The following ESF1 variants were observed in gnomAD, a reference collection of about 807,000 sequenced individuals.
ESF1 encodes the protein ESF1 homolog.
ESF1 carries 58 observed loss-of-function variants against 92.0 expected under a neutral mutation model. The ratio of observed to expected loss-of-function variants is 0.63; its 90% confidence interval spans 0.51 to 0.78. ESF1 has a LOEUF of 0.78. Ranked by LOEUF, ESF1 falls within the 30% of genes least tolerant of loss-of-function variation. The pLI is 0.00. For missense variants in ESF1, 922 were observed against 989.1 expected, an observed-to-expected ratio of 0.93 and a Z score of 0.91; for synonymous variants, 321 against 313.7, an observed-to-expected ratio of 1.02 and a Z score of -0.24.
At chr20:13,731,180 C>T (rs948877598) in intron 10 of ESF1, among the ~76,000 whole-genome samples, 1 of 152,152 alleles carries the variant, frequency 6.6e-6, no homozygotes, top group Non-Finnish European at 1.5e-5. Context: ...CTACAATTCT[C>T]AGAATGACTA....
intron 1 of ESF1, among the ~76,000 whole-genome samples, chr20:13,784,591 C>G (rs1980557725): frequency 6.6e-6 from 1 of 150,780 alleles, no homozygotes; most frequent in African/African-American, 2.4e-5. Flanking sequence ...CCCTCCCCTT[C>G]TGCCCGCTCT....
chr20:13,717,541 T>C, intron 12 of ESF1, 27 bp from the exon 13 acceptor site: 2 of 1,609,490 alleles, frequency 1.2e-6, no homozygotes, highest in Non-Finnish European at 1.7e-6. Flanking sequence ...AAAGTTCAAA[T>C]GTACAACAGT....
In ESF1 at chr20:13,733,782, G is replaced by T. The variant is rs2049959174; in HGVS notation, c.1889C>A (p.Thr630Asn). The stretch of plus-strand genomic sequence containing the variant: ...CTTCTCTAAAAATTGTTCCCAAGGG[G>T]TCAGTTTATCCTTTCCTTCCAATTT... ...KNKLEGKDKLTPWEQFLEKKK... is the reference protein window; with the variant it reads ...KNKLEGKDKLNPWEQFLEKKK... The change falls in exon 10 of 14, where the codon ACC (threonine) becomes AAC (asparagine). Residue 630 changes from threonine to asparagine, a missense_variant. Physicochemically the swap from Thr to Asn is moderately conservative, Grantham distance 65. Transcript: ENST00000617257. 6.2e-7 allele frequency: 1 copy of T among 1,612,748 alleles called. No homozygotes were observed. Among genetic ancestry groups the T allele is most frequent in the Non-Finnish European group, 8.5e-7 (1 of 1,179,650 alleles).
At chr20:13,724,393 C>A (rs2049887658) in intron 11 of ESF1, among the ~76,000 whole-genome samples, 1 of 152,196 alleles carries the variant, frequency 6.6e-6, no homozygotes, top group African/African-American at 2.4e-5. Context: ...ACTACAGATC[C>A]TTATATCTGG....
At chr20:13,727,286 T>C (rs1033911275) in intron 11 of ESF1, among the ~76,000 whole-genome samples, 8 of 152,220 alleles carry the variant, frequency 5.3e-5, no homozygotes, top group Non-Finnish European at 8.8e-5. Context: ...CAGAATATGC[T>C]AAGTTTCCAC....
chr20:13,749,731 A>G (rs1978539237), intron 9 of ESF1, among the ~76,000 whole-genome samples: 1 of 151,424 alleles, frequency 6.6e-6, no homozygotes, highest in Non-Finnish European at 1.5e-5. Flanking sequence ...ATGCCTGGCT[A>G]ATTTTTTGTA....
At position 13,726,248 on chromosome 20, in the gene ESF1, C is replaced by T. The variant is rs191153234; in HGVS notation, c.2038+2130G>A. Among the ~76,000 whole-genome samples, 6 of 152,306 alleles carry T rather than the reference C, an allele frequency of 3.9e-5. No individual in the cohort carries two copies. The East Asian group carries it at 9.6e-4, about 24-fold the overall frequency. On this transcript the variant is annotated intron_variant, in intron 11 of 13. Transcript: ENST00000617257. ...AAAGACTGTTTGGGCTTTCCACTAT[C>T]AGTAAAGTAAAATCTAAATTTGTTG... is the stretch of plus-strand genomic sequence containing the variant.
intron 9 of ESF1, among the ~76,000 whole-genome samples, chr20:13,758,863 G>C (rs1979023173): frequency 1.3e-5 from 2 of 152,246 alleles, no homozygotes; most frequent in South Asian, 4.1e-4. Context: ...ATTATCTGAG[G>C]AGGATACATT....
At chr20:13,763,643 A>G (rs1010640704) in intron 8 of ESF1, among the ~76,000 whole-genome samples, 1 of 152,246 alleles carries the variant, frequency 6.6e-6, no homozygotes, top group Admixed American at 6.5e-5. Context: ...GTGTGAGGGG[A>G]AAAGACACAG....
intron 2 of ESF1, among the ~76,000 whole-genome samples, chr20:13,778,746 T>G (rs17191186): frequency 0.016 from 2,421 of 152,290 alleles, 99 homozygotes; most frequent in East Asian, 0.11. Flanking sequence ...GAGTATTTAT[T>G]CATTCAATAA....
intron 1 of ESF1, 98 bp from the exon 2 acceptor site, chr20:13,783,281 T>C (rs957790879): frequency 2.2e-6 from 2 of 928,690 alleles, no homozygotes; most frequent in Non-Finnish European, 1.6e-6. Flanking sequence ...TAATATATTC[T>C]AAGTTAAGTG....
chr20:13,782,818 T>C lies in ESF1; in HGVS notation c.323A>G (p.Lys108Arg), dbSNP rs1485064085. 1.2e-6 allele frequency: 2 copies of C among 1,603,994 alleles called. No homozygotes were observed. The highest frequency in any genetic ancestry group is 2.7e-5 in the African/African-American group (2 of 74,016). Reference protein sequence around the residue: ...KTQTKKEIDSKNLVEKKKETK... With the variant: ...KTQTKKEIDSRNLVEKKKETK... Reference sequence around the variant, plus strand: ...TTCTTTCTTTTTCTCAACTAGATTTTTTGAATCGATTTCTTTTTTAGTCTG... The same window carrying C: ...TTCTTTCTTTTTCTCAACTAGATTTCTTGAATCGATTTCTTTTTTAGTCTG... Residue 108 changes from lysine to arginine, a missense_variant, in exon 2 of 14, where the codon AAA becomes AGA. By Grantham distance (26) the Lys-to-Arg change is conservative. Coordinates refer to ENST00000617257, the MANE Select transcript of ESF1 (RefSeq NM_001276380.2).
chr20:13,782,964 G>A lies in ESF1; in HGVS notation c.177C>T (p.Pro59=), dbSNP rs1467935843. 3.7e-6 allele frequency: 6 copies of A among 1,614,096 alleles called. No homozygotes were observed. Among genetic ancestry groups the A allele is most frequent in the Non-Finnish European group, 5.1e-6 (6 of 1,180,010 alleles). Residue 59 remains proline (P), a synonymous_variant, in exon 2 of 14, where the codon CCC becomes CCT. Transcript: ENST00000617257. The part of the protein sequence containing the change: ...LNYAVDKRGR[P]ISHSTTEDLK... ...AATCCTCTGTAGTGCTATGGCTAATGGGGCGCCCTCTTTTATCCACGGCAT... is the reference window on the plus strand; with the variant it reads ...AATCCTCTGTAGTGCTATGGCTAATAGGGCGCCCTCTTTTATCCACGGCAT...
At chr20:13,719,099 G>C (rs2147716516) in intron 11 of ESF1, 115 bp from the exon 12 acceptor site, 1 of 644,666 alleles carries the variant, frequency 1.6e-6, no homozygotes, top group East Asian at 3.2e-5. Flanking sequence ...CAATAAATGT[G>C]TTGAAACTAA....
At chr20:13,776,976 G>C (rs575874865) in intron 2 of ESF1, among the ~76,000 whole-genome samples, 3 of 152,286 alleles carry the variant, frequency 2.0e-5, no homozygotes, top group Non-Finnish European at 2.9e-5. Flanking sequence ...ACCATATAGA[G>C]AGCTTGGACT....
At chr20:13,747,858 C>T (rs2147747693) in intron 9 of ESF1, among the ~76,000 whole-genome samples, 1 of 152,200 alleles carries the variant, frequency 6.6e-6, no homozygotes, top group Non-Finnish European at 1.5e-5. Flanking sequence ...TTATACAAAC[C>T]TAGATGTTAT....
Position 13,783,192 on chromosome 20 carries a change from TAAAAC to T in ESF1, c.-43-14_-43-10del, listed in dbSNP as rs1980318559. ...CTTGAAGAAAACAAATACTGAAAAA[TAAAAC>T]AAATGTTTTAATGGTAATAATGGTT... On this transcript the variant is annotated splice_polypyrimidine_tract_variant and intron_variant, in intron 1 of 13. Coordinates refer to ENST00000617257, the MANE Select transcript of ESF1 (RefSeq NM_001276380.2). The T allele has an allele frequency of 6.5e-7, 1 of 1,529,428 alleles. No individual in the cohort carries two copies. The highest frequency in any genetic ancestry group is 8.8e-7 in the Non-Finnish European group (1 of 1,134,918). The allele number at this position is 1,529,428 out of a possible 1,614,324, so 94.7% of individuals were successfully genotyped here.
At chr20:13,719,258 T>C (rs1420531659) in intron 11 of ESF1, among the ~76,000 whole-genome samples, 1 of 152,066 alleles carries the variant, frequency 6.6e-6, no homozygotes, top group Non-Finnish European at 1.5e-5. Context: ...AGAAAAACCA[T>C]AGATCATTTC....
intron 9 of ESF1, among the ~76,000 whole-genome samples, chr20:13,750,790 G>A (rs1243885495): frequency 1.3e-5 from 2 of 152,122 alleles, no homozygotes; most frequent in Non-Finnish European, 2.9e-5. Context: ...GCCAGCCTGA[G>A]CAATGTAGTA....
Sources: allele counts gnomAD v4.1 joint callset (sites outside exome capture counted in the v4.1 genomes callset), GRCh38; gene constraint gnomAD v4.1.1; transcripts MANE v1.5; gene names NCBI Gene and HGNC (gene_info 2026-07-23, HGNC 2026-07-21).